TRERF1: variants seen among roughly 807,000 people sequenced by gnomAD.
TRERF1 encodes transcriptional regulating factor 1, also known as transcriptional-regulating factor 1.
A neutral mutation model predicts 122.9 loss-of-function variants in TRERF1; 27 were observed. The observed-to-expected ratio is 0.22, with a 90% CI of 0.16 to 0.30. The LOEUF is 0.30. Ranked by LOEUF, TRERF1 falls within the 10% of genes least tolerant of loss-of-function variation. The pLI is 1.00. For missense variants in TRERF1, 1,248 were observed against 1,560.3 expected (o/e 0.80, Z 3.37); for synonymous variants, 636 against 641.7 (o/e 0.99, Z 0.13).
At chr6:42,244,156 C>T (rs1327738237) in intron 14 of TRERF1, among the ~76,000 whole-genome samples, 1 of 151,976 alleles carries the variant, frequency 6.6e-6, no homozygotes, top group Non-Finnish European at 1.5e-5. Context: ...GCTGGCATTA[C>T]AGGCATTGAG....
chr6:42,278,934 G>A (rs1781776501), intron 4 of TRERF1, among the ~76,000 whole-genome samples: 1 of 152,140 alleles, frequency 6.6e-6, no homozygotes, highest in Non-Finnish European at 1.5e-5. Context: ...ACCAGCATCT[G>A]TGTCCTGTCA....
Position 42,268,829 on chromosome 6 carries a change from T to A in TRERF1, c.762A>T (p.Pro254=). ...GTTGCATGTGCTGTGACAGCATCTG[T>A]GGGGCCTGCAGTGGCTGTCCTCCCT... The change falls in exon 5 of 18, where the codon CCA becomes CCT. Residue 254 remains proline (P), a synonymous_variant. Transcript: ENST00000372922. This position sits in a 1 kb window ranked among gnomAD's most constrained non-coding sequence, Gnocchi z 4.4. The A allele has an allele frequency of 1.9e-6, 3 of 1,614,180 alleles. No individual in the cohort carries two copies. The highest frequency in any genetic ancestry group is 2.5e-6 in the Non-Finnish European group (3 of 1,180,030).
Position 42,275,406 on chromosome 6 carries a change from C to T in TRERF1, c.-258-5558G>A, listed in dbSNP as rs1780980710. Among the ~76,000 whole-genome samples the T allele has an allele frequency of 6.6e-6, 1 of 152,246 alleles. No individual in the cohort carries two copies. The highest frequency in any genetic ancestry group is 2.4e-5 in the African/African-American group (1 of 41,456). On this transcript the variant is annotated intron_variant, in intron 4 of 17. Transcript: ENST00000372922. This position sits in a 1 kb window ranked among gnomAD's most constrained non-coding sequence, Gnocchi z 4.1. ...GGTGGGCTCAACAAATAAATGCCCA[C>T]TCAGAACCTAAGGTGCCACTCCACG...
chr6:42,244,624 G>T (rs576463186), intron 14 of TRERF1, among the ~76,000 whole-genome samples: 2 of 152,294 alleles, frequency 1.3e-5, no homozygotes, highest in Non-Finnish European at 2.9e-5. Context: ...AATTTTTTCA[G>T]ATCAGTCCTT....
intron 3 of TRERF1, among the ~76,000 whole-genome samples, chr6:42,358,581 A>G (rs1476077789): frequency 6.6e-6 from 1 of 152,234 alleles, no homozygotes; most frequent in Non-Finnish European, 1.5e-5. Flanking sequence ...TCAGAAAAAT[A>G]AGAACAATGT....
intron 3 of TRERF1, among the ~76,000 whole-genome samples, chr6:42,339,397 C>A (rs1476277812): frequency 6.6e-6 from 1 of 152,136 alleles, no homozygotes; most frequent in African/African-American, 2.4e-5. Flanking sequence ...TCCTCCGTCC[C>A]CAACTCACAA....
intron 3 of TRERF1, among the ~76,000 whole-genome samples, chr6:42,340,317 C>T (rs1767009402): frequency 6.6e-6 from 1 of 152,054 alleles, no homozygotes; most frequent in Admixed American, 6.5e-5. Context: ...CCAAGACTAC[C>T]TTGGAGGGAG....
At chr6:42,241,550 C>T (rs1773708248) in intron 15 of TRERF1, among the ~76,000 whole-genome samples, 1 of 151,970 alleles carries the variant, frequency 6.6e-6, no homozygotes, top group Non-Finnish European at 1.5e-5. Flanking sequence ...CAACTTCTGC[C>T]TCCTGGGTTC....
At chr6:42,298,265 T>C (rs937277235) in intron 4 of TRERF1, among the ~76,000 whole-genome samples, 3 of 151,848 alleles carry the variant, frequency 2.0e-5, no homozygotes, top group Non-Finnish European at 4.4e-5. Flanking sequence ...AAGTGATTCT[T>C]GTGCCTCAGC....
intron 2 of TRERF1, among the ~76,000 whole-genome samples, chr6:42,384,459 G>C (rs1581918561): frequency 6.6e-6 from 1 of 152,278 alleles, no homozygotes; most frequent in East Asian, 1.9e-4. Context: ...ACATTTATAT[G>C]CATAGATTAT....
intron 1 of TRERF1, among the ~76,000 whole-genome samples, chr6:42,451,752 C>T (rs1788589757): frequency 2.0e-5 from 3 of 152,032 alleles, no homozygotes; most frequent in South Asian, 2.1e-4. Context: ...CTTTCCCAGC[C>T]CTGCTCCCCT....
intron 4 of TRERF1, among the ~76,000 whole-genome samples, chr6:42,290,667 C>T (rs1221107353): frequency 7.0e-6 from 1 of 142,338 alleles, no homozygotes; most frequent in Non-Finnish European, 1.5e-5. Context: ...GGCAATCTCA[C>T]AGCAAGGAGA....
chr6:42,446,349 C>T (rs904232345), intron 2 of TRERF1, among the ~76,000 whole-genome samples: 1 of 152,208 alleles, frequency 6.6e-6, no homozygotes, highest in African/African-American at 2.4e-5. Context: ...TCTTTGAGTT[C>T]TCCAAAACCA....
At chr6:42,390,656 G>A (rs569617621) in intron 2 of TRERF1, among the ~76,000 whole-genome samples, 2 of 152,188 alleles carry the variant, frequency 1.3e-5, no homozygotes, top group Non-Finnish European at 2.9e-5. Context: ...AGGACCGTAC[G>A]AAAGACAGAA....
chr6:42,347,039 C>G (rs1367829235), intron 3 of TRERF1, among the ~76,000 whole-genome samples: 1 of 152,216 alleles, frequency 6.6e-6, no homozygotes, highest in Non-Finnish European at 1.5e-5. Context: ...AGCCACTATC[C>G]TTTATTCCAC....
intron 4 of TRERF1, among the ~76,000 whole-genome samples, chr6:42,298,779 A>C (rs1434006353): frequency 1.3e-5 from 2 of 151,986 alleles, no homozygotes; most frequent in African/African-American, 4.8e-5. Flanking sequence ...ATCTCTACTA[A>C]AAATACAAAA....
intron 3 of TRERF1, among the ~76,000 whole-genome samples, chr6:42,326,076 A>G (rs1764235031): frequency 6.6e-6 from 1 of 152,202 alleles, no homozygotes; most frequent in African/African-American, 2.4e-5. Flanking sequence ...TATGTTCACT[A>G]CCTGGGTGAT....
At chr6:42,390,457 A>G (rs528079756) in intron 2 of TRERF1, among the ~76,000 whole-genome samples, 2 of 152,268 alleles carry the variant, frequency 1.3e-5, no homozygotes, top group African/African-American at 2.4e-5. Context: ...AGAAAAAAAA[A>G]GGTCAACAGC....
intron 3 of TRERF1, among the ~76,000 whole-genome samples, chr6:42,338,110 AT>A (rs545754186): frequency 2.3e-4 from 35 of 152,204 alleles, no homozygotes; most frequent in Middle Eastern, 3.4e-3. Context: ...GCTGGCTTAC[AT>A]TTTTCTGATC....
Sources: allele counts gnomAD v4.1 joint callset (sites outside exome capture counted in the v4.1 genomes callset), GRCh38; gene constraint gnomAD v4.1.1; non-coding constraint Gnocchi (gnomAD v3.1); transcripts MANE v1.5; gene names NCBI Gene and HGNC (gene_info 2026-07-23, HGNC 2026-07-21).